MIPOL1: variants seen among roughly 807,000 people sequenced by gnomAD.
MIPOL1 encodes the protein mirror-image polydactyly 1.
In MIPOL1, 57 loss-of-function variants were observed where a neutral mutation model predicts 60.9. That is an observed-to-expected ratio of 0.94 (90% CI 0.76 to 1.17). The LOEUF (loss-of-function observed/expected upper bound fraction) is 1.17, where lower values mean the gene tolerates loss of function less well. Among genes scored for constraint, MIPOL1 ranks in the 50% most tolerant of loss-of-function variants. The pLI is 0.00. For synonymous variants in MIPOL1, 179 were observed against 168.8 expected (o/e 1.06, Z -0.47); for missense variants, 551 against 511.6 (o/e 1.08, Z -0.74).
At chr14:37,347,588 A>G (rs1464247009) in intron 9 of MIPOL1, among the ~76,000 whole-genome samples, 1 of 152,224 alleles carries the variant, frequency 6.6e-6, no homozygotes, top group Non-Finnish European at 1.5e-5. Context: ...AACAAGCACA[A>G]AGAGTATGAA....
chr14:37,228,367 G>C (rs190065802), intron 1 of MIPOL1, among the ~76,000 whole-genome samples: 11 of 144,688 alleles, frequency 7.6e-5, no homozygotes, highest in South Asian at 4.4e-4. Flanking sequence ...GGTGGATTTT[G>C]GGGAAGAGAA....
chr14:37,428,318 CG>C (rs1317094092), intron 11 of MIPOL1, among the ~76,000 whole-genome samples: 58 of 152,248 alleles, frequency 3.8e-4, no homozygotes, highest in African/African-American at 1.3e-3. Flanking sequence ...AATTAGTGGC[CG>C]GGCATGGTGG....
chr14:37,527,841 A>G (rs984559348), intron 12 of MIPOL1, among the ~76,000 whole-genome samples: 1 of 152,010 alleles, frequency 6.6e-6, no homozygotes, highest in Non-Finnish European at 1.5e-5. Flanking sequence ...AACCTGCCTA[A>G]TATATATATT....
intron 9 of MIPOL1, among the ~76,000 whole-genome samples, chr14:37,366,120 A>G (rs2092461953): frequency 6.6e-6 from 1 of 150,784 alleles, no homozygotes; most frequent in Non-Finnish European, 1.5e-5. Flanking sequence ...GGCTTTTGTT[A>G]TATTGATCTC....
chr14:37,525,778 T>C (rs1442489136), intron 12 of MIPOL1, among the ~76,000 whole-genome samples: 1 of 152,226 alleles, frequency 6.6e-6, no homozygotes, highest in South Asian at 2.1e-4. Flanking sequence ...TTCAGAGCTT[T>C]CTGAACTTTG....
chr14:37,232,217 T>C (rs572612837), intron 1 of MIPOL1, among the ~76,000 whole-genome samples: 4 of 152,332 alleles, frequency 2.6e-5, no homozygotes, highest in South Asian at 2.1e-4. Flanking sequence ...TGAATACAAG[T>C]AATACCTAGA....
At chr14:37,300,370 T>C (rs1243932184) in intron 7 of MIPOL1, among the ~76,000 whole-genome samples, 1 of 144,160 alleles carries the variant, frequency 6.9e-6, no homozygotes, top group Non-Finnish European at 1.5e-5. Flanking sequence ...TTCATAGATG[T>C]TCATTTAATA....
At chr14:37,320,447 T>C (rs2088451257) in intron 9 of MIPOL1, among the ~76,000 whole-genome samples, 1 of 152,096 alleles carries the variant, frequency 6.6e-6, no homozygotes, top group African/African-American at 2.4e-5. Context: ...CATTTTGATA[T>C]CTTCTTTTGT....
chr14:37,280,599 A>G (rs1440575951), intron 6 of MIPOL1, among the ~76,000 whole-genome samples: 2 of 152,048 alleles, frequency 1.3e-5, no homozygotes, highest in Non-Finnish European at 2.9e-5. Flanking sequence ...ATAACTGTTA[A>G]CCATTTGTGT....
At chr14:37,468,642 A>G (rs370942234) in intron 11 of MIPOL1, among the ~76,000 whole-genome samples, 1 of 152,190 alleles carries the variant, frequency 6.6e-6, no homozygotes, top group Admixed American at 6.6e-5. Flanking sequence ...TAATTTATCT[A>G]TTTCACAAAT....
At chr14:37,216,598 A>C (rs116276192) in intron 1 of MIPOL1, among the ~76,000 whole-genome samples, 3,139 of 152,312 alleles carry the variant, frequency 0.021, 107 homozygotes, top group African/African-American at 0.07. Context: ...TCTGACCACA[A>C]TGTAATAAAA....
At chr14:37,380,849 G>A (rs1205903805) in intron 10 of MIPOL1, among the ~76,000 whole-genome samples, 3 of 152,026 alleles carry the variant, frequency 2.0e-5, no homozygotes, top group Non-Finnish European at 4.4e-5. Flanking sequence ...TTGAATGACG[G>A]CACAAATTTT....
intron 3 of MIPOL1, among the ~76,000 whole-genome samples, chr14:37,251,870 C>G (rs1974165248): frequency 6.6e-6 from 1 of 151,758 alleles, no homozygotes; most frequent in South Asian, 2.1e-4. Context: ...AGTATACATA[C>G]TTGCAATTTT....
intron 12 of MIPOL1, among the ~76,000 whole-genome samples, chr14:37,533,708 G>A (rs1010427440): frequency 6.6e-6 from 1 of 152,126 alleles, no homozygotes; most frequent in Non-Finnish European, 1.5e-5. Context: ...TTTTAAATGG[G>A]ATCATTGAAA....
chr14:37,484,213 T>A (rs1008102848), intron 11 of MIPOL1, among the ~76,000 whole-genome samples: 5 of 152,230 alleles, frequency 3.3e-5, no homozygotes, highest in African/African-American at 1.2e-4. Context: ...TCTCAACTTC[T>A]TGTAGGTTTC....
intron 1 of MIPOL1, among the ~76,000 whole-genome samples, chr14:37,199,125 T>G (rs1964810738): frequency 6.6e-6 from 1 of 152,136 alleles, no homozygotes; most frequent in Non-Finnish European, 1.5e-5. Flanking sequence ...GCGTTAATAT[T>G]TAAAGTATAA....
intron 10 of MIPOL1, among the ~76,000 whole-genome samples, chr14:37,409,910 A>C (rs929231843): frequency 6.6e-6 from 1 of 152,218 alleles, no homozygotes. Context: ...AGATGGTTCA[A>C]CAAGCATTTA....
In MIPOL1 at chr14:37,373,018, C is replaced by T. The variant is rs571570149; in HGVS notation, c.936+3394C>T. On this transcript the variant is annotated intron_variant, in intron 10 of 12. Coordinates refer to ENST00000684589, the MANE Select transcript of MIPOL1 (RefSeq NM_001388067.1). ...ATGTGATTTTGTTTGTTTGTTTCTT[C>T]GTTCTGAAACAGTCTCACTCAGTCG... Among the ~76,000 whole-genome samples the T allele has an allele frequency of 2.6e-5, 4 of 152,170 alleles. No individual in the cohort carries two copies. In the South Asian group the frequency reaches 8.3e-4, roughly 32 times the overall value.
At chr14:37,256,092 A>C (rs1974875518) in intron 3 of MIPOL1, among the ~76,000 whole-genome samples, 2 of 151,892 alleles carry the variant, frequency 1.3e-5, no homozygotes, top group African/African-American at 4.8e-5. Flanking sequence ...CACAGTTAAC[A>C]AACAATGTTC....
Sources: gnomAD v4.1 joint callset for allele counts (sites outside exome capture counted in the v4.1 genomes callset) on GRCh38, gnomAD v4.1.1 for gene constraint, MANE v1.5 for transcripts, NCBI Gene and HGNC (gene_info 2026-07-23, HGNC 2026-07-21) for gene names.